Variants in TMEM150B observed in about 807,000 individuals in gnomAD.
TMEM150B encodes the protein transmembrane protein 150B.
A neutral mutation model predicts 25.2 loss-of-function variants in TMEM150B; 33 were observed. The observed-to-expected ratio is 1.31, with a 90% CI of 0.99 to 1.75. The LOEUF is 1.75. Ranked by LOEUF, TMEM150B falls within the 40% of genes most tolerant of loss-of-function variation. TMEM150B has a pLI of 0.00. For synonymous variants in TMEM150B, 133 were observed against 134.8 expected, an observed-to-expected ratio of 0.99 and a Z score of 0.09; for missense variants, 322 against 306.1, an observed-to-expected ratio of 1.05 and a Z score of -0.39.
chr19:55,321,187 G>A (rs10411773), intron 2 of TMEM150B, 94 bp from the exon 3 acceptor site: 693,386 of 1,438,092 alleles, frequency 0.48, 171,581 homozygotes, highest in African/African-American at 0.53. Flanking sequence ...GTCACCTGTA[G>A]GGGTCTGATC....
intron 6 of TMEM150B, chr19:55,319,627 G>C (rs1011729640): frequency 1.7e-5 from 8 of 477,962 alleles, no homozygotes; most frequent in Admixed American, 5.6e-5. Flanking sequence ...GTATATTTTA[G>C]GAGAGACGGG....
At chr19:55,311,939 T>C, downstream of TMEM150B, 1 of 1,611,502 alleles carries the variant, frequency 6.2e-7, no homozygotes, top group Non-Finnish European at 8.5e-7. Context: ...AGACCCGGCC[T>C]GCTGGTGCCC....
Position 55,320,180 on chromosome 19 carries a change from G to A in TMEM150B, c.197-14C>T. Reference sequence around the variant, plus strand: ...AGATCCACGCGGCTGGGAGTAGAGGGGAGAAGGAAGTGGGAGGGAGACCCA... The same window carrying A: ...AGATCCACGCGGCTGGGAGTAGAGGAGAGAAGGAAGTGGGAGGGAGACCCA... On this transcript the variant is annotated splice_polypyrimidine_tract_variant and intron_variant, in intron 5 of 7. Coordinates refer to ENST00000326652, the MANE Select transcript of TMEM150B (RefSeq NM_001282011.2). The A allele has an allele frequency of 6.2e-7, 1 of 1,612,736 alleles. No individual in the cohort carries two copies. The highest frequency in any genetic ancestry group is 8.5e-7 in the Non-Finnish European group (1 of 1,179,070).
chr19:55,322,296 A>G (rs11668344), intron 2 of TMEM150B, among the ~76,000 whole-genome samples: 52,758 of 152,000 alleles, frequency 0.35, 9,525 homozygotes, highest in South Asian at 0.46. Context: ...GGACAGGGAC[A>G]GGTAAGCCTC....
At chr19:55,312,170 G>T (rs2088816704), downstream of TMEM150B, 2 of 576,760 alleles carry the variant, frequency 3.5e-6, no homozygotes, top group Admixed American at 3.7e-5. Flanking sequence ...CGGGAGGGGG[G>T]TGGACACAAA....
At chr19:55,320,191 T>C (rs368508047) in intron 5 of TMEM150B, 25 bp from the exon 6 acceptor site, 5 of 1,609,374 alleles carry the variant, frequency 3.1e-6, no homozygotes, top group Non-Finnish European at 4.2e-6. Context: ...GAGAAGGAAG[T>C]GGGAGGGAGA....
intron 6 of TMEM150B, among the ~76,000 whole-genome samples, chr19:55,318,702 T>A (rs2089089445): frequency 6.6e-6 from 1 of 152,156 alleles, no homozygotes; most frequent in Non-Finnish European, 1.5e-5. Flanking sequence ...AGCTAGAGTC[T>A]TCATGGAGAT....
At chr19:55,319,633 AC>A (rs2089135293) in intron 6 of TMEM150B, 1 of 509,408 alleles carries the variant, frequency 2.0e-6, no homozygotes, top group Non-Finnish European at 2.6e-6. Context: ...TTTAGGAGAG[AC>A]GGGGTTTCAC....
At chr19:55,323,174 G>C (rs1444592801) in intron 1 of TMEM150B, among the ~76,000 whole-genome samples, 1 of 152,186 alleles carries the variant, frequency 6.6e-6, no homozygotes, top group African/African-American at 2.4e-5. Context: ...GCTCACGCCT[G>C]TAATCCCAGC....
At chr19:55,315,161 C>G (rs1225624030) in intron 7 of TMEM150B, among the ~76,000 whole-genome samples, 4 of 151,662 alleles carry the variant, frequency 2.6e-5, no homozygotes, top group African/African-American at 9.7e-5. Flanking sequence ...ACTAAAAACA[C>G]AAAAATTAGC....
chr19:55,325,291 T>G lies in TMEM150B; in HGVS notation c.-173A>C, dbSNP rs2089304208. Reference sequence around the variant, plus strand: ...ACTCACCGGCCACGGGTAGGTTGGGTGTCTGGAGCCTGAAGGATCCTTCCA... The same window carrying G: ...ACTCACCGGCCACGGGTAGGTTGGGGGTCTGGAGCCTGAAGGATCCTTCCA... On this transcript the variant is annotated 5_prime_UTR_variant, in exon 1 of 8. Coordinates refer to ENST00000326652, the MANE Select transcript of TMEM150B (RefSeq NM_001282011.2). 2.0e-6 allele frequency: 2 copies of G among 985,162 alleles called. No homozygotes were observed. The highest frequency in any genetic ancestry group is 9.4e-5 in the South Asian group (2 of 21,278). The allele number at this position is 985,162 out of a possible 1,614,324, so 61.0% of individuals were successfully genotyped here.
intron 6 of TMEM150B, 158 bp downstream of exon 6, chr19:55,319,881 A>G (rs2089144293): frequency 6.9e-6 from 10 of 1,444,362 alleles, no homozygotes; most frequent in Non-Finnish European, 9.1e-6. Context: ...AAAGGAATCC[A>G]GCCGGTCCAA....
chr19:55,311,097 G>A (rs1348261768), downstream of TMEM150B, among the ~76,000 whole-genome samples: 1 of 152,068 alleles, frequency 6.6e-6, no homozygotes, highest in Non-Finnish European at 1.5e-5. Flanking sequence ...GAGTAGCTGG[G>A]ATTACAGGTG....
At chr19:55,321,127 CA>C in intron 2 of TMEM150B, 34 bp from the exon 3 acceptor site, 1 of 1,506,138 alleles carries the variant, frequency 6.6e-7, no homozygotes, top group Non-Finnish European at 8.9e-7. Flanking sequence ...GGCCCAGGTG[CA>C]TGAGATTGTG....
chr19:55,320,204 C>G (rs2089159858), intron 5 of TMEM150B, 38 bp from the exon 6 acceptor site: 1 of 1,605,112 alleles, frequency 6.2e-7, no homozygotes, highest in African/African-American at 1.3e-5. Context: ...GAGGGAGACC[C>G]ACCAAGAACT....
chr19:55,324,077 G>T (rs1475912304), intron 1 of TMEM150B, among the ~76,000 whole-genome samples: 1 of 151,988 alleles, frequency 6.6e-6, no homozygotes. Flanking sequence ...CAAAGTGCTG[G>T]GATTACAGGC....
At chr19:55,311,422 C>G (rs7252582), downstream of TMEM150B, among the ~76,000 whole-genome samples, 18,234 of 152,140 alleles carry the variant, frequency 0.12, 1,278 homozygotes, top group African/African-American at 0.19. Flanking sequence ...TGACCTGAGT[C>G]AGGCTGGCCC....
chr19:55,314,040 G>T (rs2088908039), intron 7 of TMEM150B, among the ~76,000 whole-genome samples: 1 of 151,586 alleles, frequency 6.6e-6, no homozygotes, highest in South Asian at 2.1e-4. Flanking sequence ...TCTTTTTTTT[G>T]AAACAGAGTC....
In TMEM150B at chr19:55,325,278, C is replaced by T. The variant is rs547374068; in HGVS notation, c.-160G>A. On this transcript the variant is annotated 5_prime_UTR_variant, in exon 1 of 8. The change creates a new upstream start codon in the 5' untranslated region. Transcript: ENST00000326652. ...GGAATTAGGCCCCACTCACCGGCCA[C>T]GGGTAGGTTGGGTGTCTGGAGCCTG... The T allele has an allele frequency of 1.8e-5, 18 of 985,232 alleles. No homozygotes were observed. Among genetic ancestry groups the T allele is most frequent in the African/African-American group, 1.6e-4 (9 of 57,296 alleles). The allele number at this position is 985,232 out of a possible 1,614,324, so 61.0% of individuals were successfully genotyped here.
Sources: gnomAD v4.1 joint callset for allele counts (sites outside exome capture counted in the v4.1 genomes callset) on GRCh38, gnomAD v4.1.1 for gene constraint, MANE v1.5 for transcripts, NCBI Gene and HGNC (gene_info 2026-07-23, HGNC 2026-07-21) for gene names.